FLI1: variants seen among roughly 807,000 people sequenced by gnomAD.
FLI1 encodes the protein Fli-1 proto-oncogene, ETS transcription factor.
A neutral mutation model predicts 53.1 loss-of-function variants in FLI1; 13 were observed. The ratio of observed to expected loss-of-function variants is 0.24; its 90% CI spans 0.16 to 0.39. FLI1 has a LOEUF of 0.39. FLI1 is among the 10% of genes least tolerant of loss of function. The probability of loss-of-function intolerance (pLI) is 1.00; values close to 1 mark genes in which losing one functional copy is unlikely to be tolerated. For synonymous variants in FLI1, 244 were observed against 236.7 expected, an observed-to-expected ratio of 1.03 and a Z score of -0.28; for missense variants, 424 against 600.5, an observed-to-expected ratio of 0.71 and a Z score of 3.07.
chr11:128,808,729 A>C (rs199908816), intron 7 of FLI1, among the ~76,000 whole-genome samples: 45,377 of 140,016 alleles, frequency 0.32, 7,994 homozygotes, highest in East Asian at 0.42. Flanking sequence ...TGCTACATTT[A>C]AAAAAAAAAA....
intron 1 of FLI1, among the ~76,000 whole-genome samples, chr11:128,741,972 A>C (rs566314247): frequency 6.6e-6 from 1 of 152,128 alleles, no homozygotes; most frequent in African/African-American, 2.4e-5. Flanking sequence ...TGCTTTCCAG[A>C]ATGCTTTTGA....
At chr11:128,747,784 T>C (rs1430268714) in intron 1 of FLI1, among the ~76,000 whole-genome samples, 1 of 152,220 alleles carries the variant, frequency 6.6e-6, no homozygotes, top group African/African-American at 2.4e-5. Context: ...AAAAAGCCAC[T>C]GGACAGTGGA....
chr11:128,767,747 G>C (rs78589780), intron 2 of FLI1, among the ~76,000 whole-genome samples: 1 of 152,132 alleles, frequency 6.6e-6, no homozygotes, highest in Non-Finnish European at 1.5e-5. Flanking sequence ...ACCAAGTGCT[G>C]GGGGACTGTG....
chr11:128,709,577 G>T (rs896972829), intron 1 of FLI1, among the ~76,000 whole-genome samples: 1 of 152,122 alleles, frequency 6.6e-6, no homozygotes, highest in African/African-American at 2.4e-5. Context: ...TCAATGGGGG[G>T]TTTACGTAAA....
At chr11:128,736,969 C>T (rs1010572270) in intron 1 of FLI1, among the ~76,000 whole-genome samples, 1 of 152,186 alleles carries the variant, frequency 6.6e-6, no homozygotes, top group East Asian at 1.9e-4. Flanking sequence ...TTCTAACAAA[C>T]AAACAACCAT....
At chr11:128,797,252 C>T (rs760385488) in intron 5 of FLI1, among the ~76,000 whole-genome samples, 2 of 152,222 alleles carry the variant, frequency 1.3e-5, no homozygotes, top group Non-Finnish European at 2.9e-5. Flanking sequence ...GTTCATCTCA[C>T]CTTTTACTAT....
At chr11:128,789,384 G>C (rs1476744706) in intron 5 of FLI1, among the ~76,000 whole-genome samples, 1 of 152,170 alleles carries the variant, frequency 6.6e-6, no homozygotes, top group South Asian at 2.1e-4. Context: ...AGGGACTTGT[G>C]TCAAAATCAT....
At chr11:128,758,825 G>C (rs1161986443) in intron 2 of FLI1, among the ~76,000 whole-genome samples, 6 of 152,192 alleles carry the variant, frequency 3.9e-5, no homozygotes, top group Admixed American at 3.9e-4. Context: ...CAGGCACCTG[G>C]AAGGCGTGCA....
chr11:128,811,231 T>C lies in FLI1; in HGVS notation c.*243T>C. The C allele has an allele frequency of 1.8e-6, 1 of 542,694 alleles. No individual in the cohort carries two copies. Among genetic ancestry groups the C allele is most frequent in the Non-Finnish European group, 3.3e-6 (1 of 307,206 alleles). 33.6% of individuals were successfully genotyped at this position (542,694 alleles called of 1,614,324 possible). On this transcript the variant is annotated 3_prime_UTR_variant, in exon 9 of 9. Transcript: ENST00000527786. ...CCAGTATGCCAGTTTGAATTCTCAG[T>C]CTCCTAGCATCTTGTGAGTTGCATA...
chr11:128,712,253 G>A (rs920836816), intron 1 of FLI1, among the ~76,000 whole-genome samples: 5 of 152,262 alleles, frequency 3.3e-5, no homozygotes, highest in South Asian at 2.1e-4. Flanking sequence ...TATGTGACAC[G>A]CTGGCTCCCC....
chr11:128,739,103 ACTCACT>A (rs973645814), intron 1 of FLI1, among the ~76,000 whole-genome samples: 7 of 152,040 alleles, frequency 4.6e-5, no homozygotes, highest in African/African-American at 1.7e-4. Context: ...TCTCCTGCAA[ACTCACT>A]CTCTGGAGGC....
At chr11:128,754,348 G>C (rs1212933505) in intron 1 of FLI1, among the ~76,000 whole-genome samples, 1 of 151,744 alleles carries the variant, frequency 6.6e-6, no homozygotes, top group African/African-American at 2.4e-5. Flanking sequence ...GTCATCATCA[G>C]AAAGGTTTCA....
chr11:128,739,427 C>A (rs11221454), intron 1 of FLI1, among the ~76,000 whole-genome samples: 2,217 of 146,020 alleles, frequency 0.015, 59 homozygotes, highest in African/African-American at 0.052. Flanking sequence ...CACCCCTCAA[C>A]CCCCCTGCCC....
chr11:128,726,551 C>T (rs1377434572), intron 1 of FLI1, among the ~76,000 whole-genome samples: 3 of 149,724 alleles, frequency 2.0e-5, no homozygotes, highest in Non-Finnish European at 4.5e-5. Context: ...CCTACCCCCA[C>T]CCCCGCCTAA....
chr11:128,687,160 TCTC>T (rs1304086305), intron 1 of FLI1, among the ~76,000 whole-genome samples: 1 of 152,236 alleles, frequency 6.6e-6, no homozygotes, highest in Non-Finnish European at 1.5e-5. Context: ...GCCACGCGCT[TCTC>T]CTACAGGTGA....
intron 4 of FLI1, among the ~76,000 whole-genome samples, chr11:128,779,243 A>T (rs1941836517): frequency 6.6e-6 from 1 of 152,204 alleles, no homozygotes; most frequent in Admixed American, 6.5e-5. Flanking sequence ...TGACTCAGGC[A>T]GTTTGCTCCT....
chr11:128,752,206 C>T (rs975010148), intron 1 of FLI1, among the ~76,000 whole-genome samples: 4 of 151,908 alleles, frequency 2.6e-5, no homozygotes, highest in Admixed American at 2.6e-4. Flanking sequence ...AACCTCCTGG[C>T]CTCAGATGAT....
upstream of FLI1, among the ~76,000 whole-genome samples, chr11:128,689,630 G>A (rs1306663716): frequency 1.3e-5 from 2 of 152,224 alleles, no homozygotes; most frequent in African/African-American, 2.4e-5. Context: ...GCTGTTTGGG[G>A]CGGCTGGGAG....
rs143861922 is a variant in FLI1 at position 128,700,466 on chromosome 11, G to C, written c.18+6190G>C. On this transcript the variant is annotated intron_variant, in intron 1 of 8. Coordinates refer to ENST00000527786, the MANE Select transcript of FLI1 (RefSeq NM_002017.5). ...GTCTTGCATAGGAAACTATGGTAAAGGGCTTTCTAGGAGAGTGGAGGGTAC... is the reference window on the plus strand; with the variant it reads ...GTCTTGCATAGGAAACTATGGTAAACGGCTTTCTAGGAGAGTGGAGGGTAC... 8.6e-3 allele frequency among the ~76,000 whole-genome samples: 1,305 copies of C among 152,328 alleles called. 9 individuals carry two copies. The highest frequency in any genetic ancestry group is 0.024 in the Middle Eastern group (7 of 294).
Sources: allele counts gnomAD v4.1 joint callset (sites outside exome capture counted in the v4.1 genomes callset), GRCh38; gene constraint gnomAD v4.1.1; transcripts MANE v1.5; gene names NCBI Gene and HGNC (gene_info 2026-07-23, HGNC 2026-07-21).